NCOR1: variants seen among roughly 807,000 people sequenced by gnomAD.
The protein encoded by NCOR1 is protein phosphatase 1, regulatory subunit 109.
Under a neutral mutation model 288.1 loss-of-function variants are expected in NCOR1, and 63 were observed. That is an observed-to-expected ratio of 0.22 (90% CI 0.18 to 0.27). NCOR1 has a LOEUF of 0.27. Among genes scored for constraint, NCOR1 ranks in the 10% least tolerant of loss-of-function variants. The pLI, the probability that NCOR1 is intolerant of heterozygous loss-of-function variation, is 1.00. For synonymous variants in NCOR1, 1,007 were observed against 1,065.9 expected, an observed-to-expected ratio of 0.94 and a Z score of 1.08; for missense variants, 2,397 against 3,019.2, an observed-to-expected ratio of 0.79 and a Z score of 4.83.
Position 16,139,168 on chromosome 17 carries a change from G to A in NCOR1, c.1192C>T (p.Arg398Trp), listed in dbSNP as rs2153270185. ...SEQENNEKQM[R>W]QLSVIPPMMF... Reference sequence around the variant, plus strand: ...ATAGGTGGAATCACAGAGAGCTGCCGCATTTGTTTCTCATTATTCTGGAAA... The same window carrying A: ...ATAGGTGGAATCACAGAGAGCTGCCACATTTGTTTCTCATTATTCTGGAAA... Residue 398 changes from arginine (R) to tryptophan (W), a missense_variant, in exon 12 of 46, where the codon CGG becomes TGG. Coordinates refer to ENST00000268712, the MANE Select transcript of NCOR1 (RefSeq NM_006311.4). The A allele has an allele frequency of 3.7e-6, 6 of 1,607,430 alleles. No individual in the cohort carries two copies. The highest frequency in any genetic ancestry group is 5.1e-6 in the Non-Finnish European group (6 of 1,178,278).
At chr17:16,105,297 G>T (rs539843074) in intron 19 of NCOR1, among the ~76,000 whole-genome samples, 82 of 152,216 alleles carry the variant, frequency 5.4e-4, no homozygotes, top group African/African-American at 1.7e-3. Flanking sequence ...CACGCCTATG[G>T]TCCCAGATAC....
chr17:16,039,345 A>G, intron 44 of NCOR1, 88 bp downstream of exon 44: 1 of 1,258,128 alleles, frequency 7.9e-7, no homozygotes, highest in African/African-American at 1.5e-5. Flanking sequence ...GACATAAATG[A>G]AATGTCTTAG....
At chr17:16,139,547 CT>C (rs2076875524) in intron 11 of NCOR1, among the ~76,000 whole-genome samples, 1 of 152,098 alleles carries the variant, frequency 6.6e-6, no homozygotes, top group Admixed American at 6.5e-5. Context: ...TCATATTAGT[CT>C]CATTTTTTAA....
At chr17:16,134,449 G>T (rs2076098128) in intron 14 of NCOR1, among the ~76,000 whole-genome samples, 1 of 152,190 alleles carries the variant, frequency 6.6e-6, no homozygotes, top group Non-Finnish European at 1.5e-5. Flanking sequence ...AGCAACCTAA[G>T]GCTCAGGTCA....
At chr17:16,199,499 A>C (rs992745179) in intron 1 of NCOR1, among the ~76,000 whole-genome samples, 1 of 152,182 alleles carries the variant, frequency 6.6e-6, no homozygotes, top group African/African-American at 2.4e-5. Flanking sequence ...TGGGAGACCT[A>C]GGATTCATCT....
chr17:16,108,855 T>C lies in NCOR1; in HGVS notation c.2113A>G (p.Thr705Ala). Residue 705 changes from threonine (T) to alanine (A), a missense_variant, in exon 19 of 46, where the codon ACT becomes GCT. Around this residue, in one of 11 missense-constraint regions of NCOR1, gnomAD observed 1,872 missense variants for 2,187.8 expected, o/e 0.86. Coordinates refer to ENST00000268712, the MANE Select transcript of NCOR1 (RefSeq NM_006311.4). The part of the protein sequence containing the change: ...DVSQCESVAS[T>A]VSAQEDEDIE... ...TCTTCATCCTCCTGAGCAGAAACAG[T>C]GGAAGCGACACTTTCACATTGAGAC... The C allele has an allele frequency of 2.5e-6, 4 of 1,607,428 alleles. No individual in the cohort carries two copies. Among genetic ancestry groups the C allele is most frequent in the Non-Finnish European group, 2.6e-6 (3 of 1,175,966 alleles).
At chr17:16,060,425 A>G (rs1054047169) in intron 37 of NCOR1, among the ~76,000 whole-genome samples, 1 of 152,248 alleles carries the variant, frequency 6.6e-6, no homozygotes, top group African/African-American at 2.4e-5. Context: ...TCCCTTCAAA[A>G]GACCTATTCA....
At chr17:16,115,309 T>C (rs2071359592) in intron 18 of NCOR1, among the ~76,000 whole-genome samples, 1 of 152,162 alleles carries the variant, frequency 6.6e-6, no homozygotes, top group Non-Finnish European at 1.5e-5. Flanking sequence ...AGGGCTGCCA[T>C]AAAGACCTCT....
At chr17:16,087,782 A>G (rs974651082) in intron 22 of NCOR1, among the ~76,000 whole-genome samples, 3 of 152,240 alleles carry the variant, frequency 2.0e-5, no homozygotes, top group Non-Finnish European at 4.4e-5. Context: ...AAGAAATGGA[A>G]GAAGCCTTTC....
At chr17:16,170,923 AAAT>A (rs1486671762) in intron 4 of NCOR1, among the ~76,000 whole-genome samples, 4 of 152,152 alleles carry the variant, frequency 2.6e-5, no homozygotes, top group African/African-American at 9.7e-5. Flanking sequence ...AAAGATGGGT[AAAT>A]AAAAATAAGT....
At chr17:16,067,625 A>T (rs2061284711) in intron 32 of NCOR1, among the ~76,000 whole-genome samples, 2 of 152,216 alleles carry the variant, frequency 1.3e-5, no homozygotes, top group South Asian at 4.1e-4. Flanking sequence ...TATTCACATT[A>T]ATCCACTTTT....
At chr17:16,124,684 A>G (rs2073679785) in intron 15 of NCOR1, among the ~76,000 whole-genome samples, 1 of 152,224 alleles carries the variant, frequency 6.6e-6, no homozygotes, top group Non-Finnish European at 1.5e-5. Flanking sequence ...AATTTTCACT[A>G]TATTTTTCTT....
At chr17:16,060,080 G>C (rs547340246) in intron 37 of NCOR1, among the ~76,000 whole-genome samples, 1 of 152,264 alleles carries the variant, frequency 6.6e-6, no homozygotes, top group South Asian at 2.1e-4. Flanking sequence ...CATTGTTCTT[G>C]AAGCCTTAAG....
chr17:16,166,541 G>C (rs148510663), intron 4 of NCOR1, among the ~76,000 whole-genome samples: 2 of 151,946 alleles, frequency 1.3e-5, no homozygotes, highest in Non-Finnish European at 2.9e-5. Context: ...TTAGCTGGGC[G>C]TGGTGGCGGG....
At chr17:16,042,294 C>T (rs3785632) in intron 42 of NCOR1, among the ~76,000 whole-genome samples, 106,516 of 152,114 alleles carry the variant, frequency 0.7, 39,037 homozygotes, top group African/African-American at 0.92. Context: ...GTGTGTGGAA[C>T]AGGAGTCATT....
intron 6 of NCOR1, among the ~76,000 whole-genome samples, chr17:16,154,724 AT>A (rs1568364858): frequency 6.6e-6 from 1 of 152,200 alleles, no homozygotes; most frequent in Non-Finnish European, 1.5e-5. Flanking sequence ...AAAAGGTTCT[AT>A]TTGGAGAATC....
At position 16,104,291 on chromosome 17, in the gene NCOR1, T is replaced by C. The variant is rs537987818; in HGVS notation, c.2183-2534A>G. On this transcript the variant is annotated intron_variant, in intron 19 of 45. Coordinates refer to ENST00000268712, the MANE Select transcript of NCOR1 (RefSeq NM_006311.4). ...AACCGTCTGGGAAAAAAAAATATTT[T>C]TTAATTGTATATAATAGACAGCAAT... Among the ~76,000 whole-genome samples the C allele has an allele frequency of 3.9e-5, 6 of 152,324 alleles. No homozygotes were observed. In the South Asian group the frequency reaches 1.0e-3, roughly 26 times the overall value.
rs753302074 is a variant in NCOR1 at position 16,086,405 on chromosome 17, G to A, written c.3054C>T (p.Leu1018=). The change falls in exon 23 of 46, where the codon CTC becomes CTT. Residue 1018 remains leucine, a synonymous_variant. Coordinates refer to ENST00000268712, the MANE Select transcript of NCOR1 (RefSeq NM_006311.4). ...TTGTCGGAAGCCGAACGCCTTCAGG[G>A]AGATTAGTTATCACTTGATGTGGAG... ...QPAPHQVITN[L]PEGVRLPTTR... The A allele has an allele frequency of 5.6e-6, 9 of 1,614,114 alleles. No homozygotes were observed. Among genetic ancestry groups the A allele is most frequent in the Non-Finnish European group, 7.6e-6 (9 of 1,179,990 alleles).
At chr17:16,090,170 C>G (rs556049382) in intron 22 of NCOR1, among the ~76,000 whole-genome samples, 2 of 152,172 alleles carry the variant, frequency 1.3e-5, no homozygotes, top group Admixed American at 1.3e-4. Flanking sequence ...TTTTATAAAG[C>G]AGACCAATAA....
Sources: allele counts gnomAD v4.1 joint callset (sites outside exome capture counted in the v4.1 genomes callset), GRCh38; gene constraint gnomAD v4.1.1; regional missense constraint gnomAD v4.1.1; transcripts MANE v1.5; gene names NCBI Gene and HGNC (gene_info 2026-07-23, HGNC 2026-07-21).